Variants in ANO4 observed in about 807,000 individuals in gnomAD.
ANO4 encodes the protein anoctamin 4.
ANO4 carries 69 observed loss-of-function variants against 141.9 expected under a neutral mutation model. The ratio of observed to expected loss-of-function variants is 0.49; its 90% CI spans 0.40 to 0.59. ANO4 has a LOEUF of 0.59. Ranked by LOEUF, ANO4 falls within the 20% of genes least tolerant of loss-of-function variation. ANO4 has a pLI of 0.00. For synonymous variants in ANO4, 350 were observed against 394.3 expected (o/e 0.89, Z 1.33); for missense variants, 894 against 1,162.2 (o/e 0.77, Z 3.36).
intron 5 of ANO4, among the ~76,000 whole-genome samples, chr12:100,954,857 G>A (rs2043118910): frequency 6.6e-6 from 1 of 152,166 alleles, no homozygotes; most frequent in Non-Finnish European, 1.5e-5. Flanking sequence ...TTTTTTCAAA[G>A]CATAGCAGAA....
At chr12:100,856,161 G>T (rs1322616816) in intron 1 of ANO4, among the ~76,000 whole-genome samples, 1 of 152,128 alleles carries the variant, frequency 6.6e-6, no homozygotes, top group Non-Finnish European at 1.5e-5. Context: ...AAAGGAGCTT[G>T]TAGGAGACTT....
chr12:101,086,763 A>G lies in ANO4; in HGVS notation c.1640A>G (p.Gln547Arg). The change falls in exon 17 of 28, where the codon CAG (glutamine) becomes CGG (arginine). Residue 547 changes from glutamine (Q) to arginine (R), a missense_variant. Coordinates refer to ENST00000392977, the MANE Select transcript of ANO4 (RefSeq NM_001286615.2). ...TGGGCGTTAATCAGGAATAACTCTC[A>G]GGTTGCAACCACAGGGACTGCTGTG... is the stretch of plus-strand genomic sequence containing the variant. ...FKWALIRNNSQVATTGTAVCI... is the reference protein window; with the variant it reads ...FKWALIRNNSRVATTGTAVCI... 6.2e-7 allele frequency: 1 copy of G among 1,613,846 alleles called. No individual in the cohort carries two copies. Among genetic ancestry groups the G allele is most frequent in the Non-Finnish European group, 8.5e-7 (1 of 1,179,800 alleles).
At chr12:100,963,592 A>G (rs1054865497) in intron 5 of ANO4, among the ~76,000 whole-genome samples, 2 of 152,134 alleles carry the variant, frequency 1.3e-5, no homozygotes, top group Admixed American at 6.6e-5. Flanking sequence ...ACAAATTCCA[A>G]TGTGTCCCTA....
intron 9 of ANO4, among the ~76,000 whole-genome samples, chr12:101,029,363 C>T (rs1048365896): frequency 6.6e-6 from 1 of 152,060 alleles, no homozygotes; most frequent in East Asian, 1.9e-4. Flanking sequence ...GGCAAAATGC[C>T]CCAATTAAAA....
At chr12:100,946,060 CTT>C (rs1433995167) in intron 5 of ANO4, among the ~76,000 whole-genome samples, 1 of 152,182 alleles carries the variant, frequency 6.6e-6, no homozygotes, top group Non-Finnish European at 1.5e-5. Flanking sequence ...GAGTGGGCCT[CTT>C]TTCCACAGAA....
At chr12:100,798,620 A>G (rs2034490955) in intron 1 of ANO4, among the ~76,000 whole-genome samples, 1 of 152,154 alleles carries the variant, frequency 6.6e-6, no homozygotes, top group African/African-American at 2.4e-5. Context: ...ATCTATCCAG[A>G]CTGTCATAAA....
At chr12:101,065,408 A>T (rs1407743290) in intron 14 of ANO4, among the ~76,000 whole-genome samples, 2 of 152,302 alleles carry the variant, frequency 1.3e-5, no homozygotes, top group Middle Eastern at 3.4e-3. Context: ...AATAAATAAA[A>T]TCAGATATGA....
At chr12:100,807,664 G>T (rs1190753260) in intron 1 of ANO4, among the ~76,000 whole-genome samples, 1 of 152,074 alleles carries the variant, frequency 6.6e-6, no homozygotes, top group Non-Finnish European at 1.5e-5. Flanking sequence ...CCTATCACCT[G>T]GGTATTAAGC....
intron 1 of ANO4, among the ~76,000 whole-genome samples, chr12:100,818,108 A>C (rs1307740591): frequency 6.6e-6 from 1 of 151,804 alleles, no homozygotes; most frequent in Non-Finnish European, 1.5e-5. Flanking sequence ...AGCTTATTTT[A>C]AAAATAGAAA....
intron 27 of ANO4, among the ~76,000 whole-genome samples, chr12:101,127,567 C>T (rs1274552638): frequency 6.6e-6 from 1 of 152,158 alleles, no homozygotes; most frequent in African/African-American, 2.4e-5. Flanking sequence ...CCACTACTGG[C>T]TGCTTTCTTC....
At chr12:101,052,026 T>C (rs904355319) in intron 14 of ANO4, among the ~76,000 whole-genome samples, 2 of 152,172 alleles carry the variant, frequency 1.3e-5, no homozygotes, top group Non-Finnish European at 2.9e-5. Context: ...TTGCTAGATA[T>C]GGAGCTGATG....
At chr12:100,970,206 A>G (rs956127258) in intron 5 of ANO4, among the ~76,000 whole-genome samples, 6 of 152,204 alleles carry the variant, frequency 3.9e-5, no homozygotes, top group Non-Finnish European at 7.3e-5. Flanking sequence ...TGGATGACTG[A>G]GAACATTCCT....
At chr12:100,993,579 A>G (rs1025275948) in intron 8 of ANO4, among the ~76,000 whole-genome samples, 1 of 151,980 alleles carries the variant, frequency 6.6e-6, no homozygotes, top group Non-Finnish European at 1.5e-5. Flanking sequence ...AGTGTGGGTC[A>G]CTCTGGGGGA....
At position 100,879,718 on chromosome 12, in the gene ANO4, C is replaced by A. The variant is rs79560748; in HGVS notation, c.-140-21928C>A. Among the ~76,000 whole-genome samples the A allele has an allele frequency of 8.3e-3, 1,258 of 152,282 alleles. 21 individuals carry two copies. Among genetic ancestry groups the A allele is most frequent in the African/African-American group, 0.029 (1,188 of 41,568 alleles). ...GGCATCCAACAACTGTTAATTGGCTCCTCCAATCACCCTTTTTTGTCATCC... is the reference window on the plus strand; with the variant it reads ...GGCATCCAACAACTGTTAATTGGCTACTCCAATCACCCTTTTTTGTCATCC... On this transcript the variant is annotated intron_variant, in intron 1 of 27. Coordinates refer to ENST00000392977, the MANE Select transcript of ANO4 (RefSeq NM_001286615.2).
chr12:101,070,963 A>G (rs2048784578), intron 14 of ANO4, among the ~76,000 whole-genome samples: 1 of 152,200 alleles, frequency 6.6e-6, no homozygotes, highest in Non-Finnish European at 1.5e-5. Context: ...CAAAACTACA[A>G]TGAGATATCA....
At chr12:101,038,058 A>G (rs922270558) in intron 10 of ANO4, among the ~76,000 whole-genome samples, 1 of 152,176 alleles carries the variant, frequency 6.6e-6, no homozygotes, top group Non-Finnish European at 1.5e-5. Flanking sequence ...TTTAAACACT[A>G]AGAGGGTGCA....
At chr12:100,957,255 G>A (rs534002748) in intron 5 of ANO4, among the ~76,000 whole-genome samples, 7 of 152,316 alleles carry the variant, frequency 4.6e-5, no homozygotes, top group South Asian at 2.1e-4. Context: ...AGACACATGC[G>A]AAGAGAGGCA....
At chr12:100,888,465 C>T (rs1381140317) in intron 1 of ANO4, among the ~76,000 whole-genome samples, 1 of 152,254 alleles carries the variant, frequency 6.6e-6, no homozygotes, top group African/African-American at 2.4e-5. Flanking sequence ...AGCAGGAGCC[C>T]TGGGAAAGGG....
intron 4 of ANO4, among the ~76,000 whole-genome samples, chr12:100,940,655 T>C (rs551593119): frequency 1.3e-5 from 2 of 152,320 alleles, no homozygotes; most frequent in East Asian, 1.9e-4. Context: ...GAGATGTTTT[T>C]TTCGATTAAG....
Sources: gnomAD v4.1 joint callset for allele counts (sites outside exome capture counted in the v4.1 genomes callset) on GRCh38, gnomAD v4.1.1 for gene constraint, MANE v1.5 for transcripts, NCBI Gene and HGNC (gene_info 2026-07-23, HGNC 2026-07-21) for gene names.